AP3D1: variants seen among roughly 807,000 people sequenced by gnomAD.
The protein encoded by AP3D1 is AP-3 complex subunit delta-1.
AP3D1 carries 51 observed loss-of-function variants against 147.6 expected under a neutral mutation model. The ratio of observed to expected loss-of-function variants is 0.35; its 90% confidence interval spans 0.28 to 0.44. The LOEUF (loss-of-function observed/expected upper bound fraction) is 0.44. AP3D1 is among the 20% of genes least tolerant of loss of function. The pLI is 1.00. For synonymous variants in AP3D1, 760 were observed against 663.0 expected, an observed-to-expected ratio of 1.15 and a Z score of -2.25; for missense variants, 1,421 against 1,624.2, an observed-to-expected ratio of 0.87 and a Z score of 2.15.
chr19:2,119,699 CAAAAAAAA>C (rs954635585), intron 14 of AP3D1, among the ~76,000 whole-genome samples: 2 of 25,336 alleles, frequency 7.9e-5, no homozygotes, highest in Non-Finnish European at 1.5e-4. Context: ...GACTCTGTCT[CAAAAAAAA>C]AAAAAAAAAA....
chr19:2,127,961 G>A (rs755762633), intron 8 of AP3D1, among the ~76,000 whole-genome samples: 7 of 152,210 alleles, frequency 4.6e-5, no homozygotes, highest in African/African-American at 1.2e-4. Flanking sequence ...GGAGTGTGGC[G>A]AGCTTCAGCA....
rs775776443 is a variant in AP3D1, at chr19:2,116,873, C to T, written c.1860-127G>A. Reference sequence around the variant, plus strand: ...CCCAAACAGTGGGGCCTGCCACCCACACAGGGCCAGCGAGGCAGGTGTCAC... The same window carrying T: ...CCCAAACAGTGGGGCCTGCCACCCATACAGGGCCAGCGAGGCAGGTGTCAC... On this transcript the variant is annotated intron_variant, in intron 16 of 31. Transcript: ENST00000643116. 644 of 1,275,542 alleles carry T rather than the reference C, an allele frequency of 5.0e-4. 3 individuals carry two copies. The highest frequency in any genetic ancestry group is 7.4e-4 in the South Asian group (46 of 62,004). The allele number at this position is 1,275,542 out of a possible 1,614,324, so 79.0% of individuals were successfully genotyped here.
chr19:2,145,807 C>T (rs2019341583), intron 1 of AP3D1, among the ~76,000 whole-genome samples: 2 of 152,130 alleles, frequency 1.3e-5, no homozygotes, highest in African/African-American at 4.8e-5. Flanking sequence ...TTTTGAAAAC[C>T]CCTGCAAAGG....
Position 2,118,721 on chromosome 19 carries a change from G to A in AP3D1, c.1593C>T (p.Ala531=), listed in dbSNP as rs369763609. 356 of 1,613,570 alleles carry A rather than the reference G, an allele frequency of 2.2e-4. No homozygotes were observed. The highest frequency in any genetic ancestry group is 2.8e-4 in the Non-Finnish European group (327 of 1,180,022). Residue 531 remains alanine (A), a synonymous_variant, in exon 15 of 32, where the codon GCC becomes GCT. Coordinates refer to ENST00000643116, the MANE Select transcript of AP3D1 (RefSeq NM_001261826.3). ...CCTGCTCCTTCTGCTGCAGGATGGAGGCGTAGAGCTTGACCACGTTCTGCA... is the reference window on the plus strand; with the variant it reads ...CCTGCTCCTTCTGCTGCAGGATGGAAGCGTAGAGCTTGACCACGTTCTGCA... ...VYVQNVVKLY[A]SILQQKEQAG... is the part of the protein sequence containing the mutation.
intron 1 of AP3D1, among the ~76,000 whole-genome samples, chr19:2,160,772 T>G (rs1489824590): frequency 6.6e-6 from 1 of 152,120 alleles, no homozygotes; most frequent in East Asian, 1.9e-4. Flanking sequence ...ATCTCTCCCC[T>G]GGAGAACCAC....
At chr19:2,141,841 G>C (rs997934347) in intron 1 of AP3D1, among the ~76,000 whole-genome samples, 27 of 151,756 alleles carry the variant, frequency 1.8e-4, no homozygotes, top group African/African-American at 6.3e-4. Context: ...CCAGGCTCAA[G>C]AGATTCTCCC....
At position 2,112,813 on chromosome 19, in the gene AP3D1, G is replaced by A. The variant is rs750914984; in HGVS notation, c.2787+47C>T. The A allele has an allele frequency of 1.5e-5, 23 of 1,485,662 alleles. 1 individual carries two copies. The highest frequency in any genetic ancestry group is 1.1e-4 in the Admixed American group (6 of 52,526). 92.0% of individuals were successfully genotyped at this position (1,485,662 alleles called of 1,614,324 possible). A position where few individuals can be genotyped will look rare whatever the true frequency, so the allele number is the denominator to read the frequency against. On this transcript the variant is annotated intron_variant, in intron 24 of 31. Transcript: ENST00000643116. ...GTGTCCGGCCCCACGTTGGGGTGCTGGGGCTCATGCAGCCCTCCACAGCCC... is the reference window on the plus strand; with the variant it reads ...GTGTCCGGCCCCACGTTGGGGTGCTAGGGCTCATGCAGCCCTCCACAGCCC...
chr19:2,111,555 G>A (rs1266813671), intron 25 of AP3D1, 124 bp downstream of exon 25: 10 of 1,346,178 alleles, frequency 7.4e-6, no homozygotes, highest in South Asian at 5.8e-5. Context: ...CCCTGCCCCC[G>A]CCAGGCTCGG....
chr19:2,106,413 G>A (rs1301890539), intron 31 of AP3D1, among the ~76,000 whole-genome samples: 2 of 152,118 alleles, frequency 1.3e-5, no homozygotes, highest in Non-Finnish European at 2.9e-5. Context: ...GTGGGGCGAG[G>A]TGGCATGTGC....
At chr19:2,143,063 C>G (rs560912672) in intron 1 of AP3D1, among the ~76,000 whole-genome samples, 14 of 151,930 alleles carry the variant, frequency 9.2e-5, no homozygotes, top group African/African-American at 2.4e-4. Flanking sequence ...CACGCCCAGC[C>G]TCTTTTTCTT....
At chr19:2,155,689 T>A (rs1269635624), upstream of AP3D1, among the ~76,000 whole-genome samples, 1 of 152,176 alleles carries the variant, frequency 6.6e-6, no homozygotes, top group East Asian at 1.9e-4. Flanking sequence ...ACACAAATTC[T>A]ATGATATTGG....
chr19:2,164,241 C>T (rs1412090215), intron 1 of AP3D1: 1 of 1,289,156 alleles, frequency 7.8e-7, no homozygotes, highest in Non-Finnish European at 9.8e-7. Flanking sequence ...AGCCCGCCGT[C>T]TACCCGTGGC....
At position 2,136,998 on chromosome 19, in the gene AP3D1, C is replaced by CGGGAACACCCACCTTACGGATCT; in HGVS notation, c.344_354+12dup. The CGGGAACACCCACCTTACGGATCT allele has an allele frequency of 6.3e-7, 1 of 1,576,810 alleles. No individual in the cohort carries two copies. Among genetic ancestry groups the CGGGAACACCCACCTTACGGATCT allele is most frequent in the Non-Finnish European group, 8.6e-7 (1 of 1,161,604 alleles). On this transcript the variant is annotated intron_variant, in intron 4 of 31. Transcript: ENST00000643116. ...CACTCAGCACAGAGCGGCCCCGGCC[C>CGGGAACACCCACCTTACGGATCT]GGGAACACCCACCTTACGGATCTGA...
At chr19:2,140,375 G>T (rs2238601) in intron 1 of AP3D1, among the ~76,000 whole-genome samples, 76,028 of 151,920 alleles carry the variant, frequency 0.5, 19,109 homozygotes, top group African/African-American at 0.52. Flanking sequence ...CGAACACACA[G>T]GGCAGCACCA....
intron 1 of AP3D1, among the ~76,000 whole-genome samples, chr19:2,146,416 C>T (rs1599495339): frequency 1.3e-5 from 2 of 151,936 alleles, no homozygotes; most frequent in East Asian, 1.9e-4. Flanking sequence ...CCAGCCTGGC[C>T]GATACAGTGA....
Position 2,115,350 on chromosome 19 carries a change from C to T in AP3D1, c.2218G>A (p.Asp740Asn). ...ERRHRQKLEK[D>N]KRRKKRKEKE... ...TCCTTCCTCTTTTTCCTCCTCTTGT[C>T]CTTCTCCAGCTTCTGCCGGTGCCGC... The change falls in exon 20 of 32, where the codon GAC becomes AAC. Residue 740 changes from aspartate (D) to asparagine (N), a missense_variant. This residue lies in a region of AP3D1 where 791 missense variants were observed against 761.4 expected (regional missense o/e 1.04). Transcript: ENST00000643116. 6.2e-7 allele frequency: 1 copy of T among 1,608,898 alleles called. No individual in the cohort carries two copies. The highest frequency in any genetic ancestry group is 8.5e-7 in the Non-Finnish European group (1 of 1,179,862).
In AP3D1 at chr19:2,127,144, G is replaced by A. The variant is rs1425660932; in HGVS notation, c.856+8C>T. 7 of 1,613,908 alleles carry A rather than the reference G, an allele frequency of 4.3e-6. No homozygotes were observed. In the African/African-American group the frequency reaches 8.0e-5, roughly 18 times the overall value. The stretch of plus-strand genomic sequence containing the variant: ...GCCCTTCCAGATGGGGAGAGTGCCA[G>A]TTCTCACCTGCAATCACGGTGTTCA... On this transcript the variant is annotated splice_region_variant and intron_variant, in intron 9 of 31. Coordinates refer to ENST00000643116, the MANE Select transcript of AP3D1 (RefSeq NM_001261826.3).
At chr19:2,152,568 T>G (rs2019566056), upstream of AP3D1, among the ~76,000 whole-genome samples, 1 of 138,688 alleles carries the variant, frequency 7.2e-6, no homozygotes, top group Non-Finnish European at 1.5e-5. Flanking sequence ...AGAAAGAAAG[T>G]AATCGCAATA....
intron 1 of AP3D1, among the ~76,000 whole-genome samples, chr19:2,146,127 A>G (rs1310212213): frequency 6.6e-6 from 1 of 152,220 alleles, no homozygotes; most frequent in Non-Finnish European, 1.5e-5. Flanking sequence ...AGCTGTGTGT[A>G]AACAACAGAG....
Sources: allele counts gnomAD v4.1 joint callset (sites outside exome capture counted in the v4.1 genomes callset), GRCh38; gene constraint gnomAD v4.1.1; regional missense constraint gnomAD v4.1.1; transcripts MANE v1.5; gene names NCBI Gene and HGNC (gene_info 2026-07-23, HGNC 2026-07-21).